The following TMEM220 variants were observed in gnomAD, a reference collection of about 807,000 sequenced individuals.
TMEM220 encodes transmembrane protein 220.
A neutral mutation model predicts 21.7 loss-of-function variants in TMEM220; 21 were observed. That is an observed-to-expected ratio of 0.97 (90% CI 0.69 to 1.39). TMEM220 has a LOEUF of 1.39. Ranked by LOEUF, TMEM220 falls within the 40% of genes most tolerant of loss-of-function variation. TMEM220 has a pLI of 0.00. For missense variants in TMEM220, 191 were observed against 201.9 expected (o/e 0.95, Z 0.33); for synonymous variants, 80 against 73.6 (o/e 1.09, Z -0.45).
rs1243653821 is a variant in TMEM220, at chr17:10,719,047, A to G, written c.348-3459T>C. 3.3e-5 allele frequency among the ~76,000 whole-genome samples: 5 copies of G among 152,060 alleles called. 1 individual carries two copies. Among genetic ancestry groups the G allele is most frequent in the African/African-American group, 1.2e-4 (5 of 41,394 alleles). On this transcript the variant is annotated intron_variant, in intron 5 of 5. Coordinates refer to ENST00000341871, the MANE Select transcript of TMEM220 (RefSeq NM_001004313.3). The stretch of plus-strand genomic sequence containing the variant: ...TCCATTTTTCTTCTTAGCTCTGTCA[A>G]TTTTTGTTCTATTTGGAAGCTATGT...
rs1205226228 is a variant in TMEM220, at chr17:10,725,061, G to T, written c.237C>A (p.Ser79=). The T allele has an allele frequency of 6.2e-7, 1 of 1,614,004 alleles. No homozygotes were observed. The highest frequency in any genetic ancestry group is 8.5e-7 in the Non-Finnish European group (1 of 1,180,044). ...TCTGTTGTGTACGATGCAAGAGGTA[G>T]GACGCCAAGCCAACAGCCCACACCG... ...FCTVWAVGLA[S]YLLHRTQQNI... The change falls in exon 4 of 6, where the codon TCC becomes TCA. Residue 79 remains serine, a synonymous_variant. Coordinates refer to ENST00000341871, the MANE Select transcript of TMEM220 (RefSeq NM_001004313.3).
At chr17:10,715,928 T>A in intron 5 of TMEM220, 1 of 355,646 alleles carries the variant, frequency 2.8e-6, no homozygotes, top group Non-Finnish European at 5.2e-6. Context: ...AGAAGTTTTG[T>A]TTTGCTTTTT....
At chr17:10,719,118 G>A (rs867034913) in intron 5 of TMEM220, among the ~76,000 whole-genome samples, 1 of 151,828 alleles carries the variant, frequency 6.6e-6, no homozygotes, top group African/African-American at 2.4e-5. Context: ...TTGATGAATT[G>A]AATCTTTTGT....
intron 2 of TMEM220, among the ~76,000 whole-genome samples, chr17:10,728,086 G>T (rs2075068605): frequency 6.6e-6 from 1 of 151,864 alleles, no homozygotes; most frequent in African/African-American, 2.4e-5. Flanking sequence ...CTCAAACCTG[G>T]GAGGTAGAGG....
chr17:10,724,861 C>T (rs1190233840), intron 4 of TMEM220, 150 bp downstream of exon 4: 5 of 1,066,322 alleles, frequency 4.7e-6, no homozygotes, highest in Non-Finnish European at 6.7e-6. Flanking sequence ...TCAGTTTCAT[C>T]AGGTTATAAA....
At chr17:10,726,156 G>A (rs764031558) in intron 3 of TMEM220, 48 bp downstream of exon 3, 1 of 1,510,506 alleles carries the variant, frequency 6.6e-7, no homozygotes, top group Admixed American at 1.7e-5. Context: ...TCATTATTAT[G>A]AGGAAATCTG....
At chr17:10,712,104 T>A (rs1447859095), downstream of TMEM220, among the ~76,000 whole-genome samples, 1 of 152,218 alleles carries the variant, frequency 6.6e-6, no homozygotes, top group Non-Finnish European at 1.5e-5. Flanking sequence ...TCCACTTGGC[T>A]GAAACCAAGG....
intron 3 of TMEM220, 23 bp from the exon 4 acceptor site, chr17:10,725,157 T>G: frequency 6.2e-7 from 1 of 1,612,420 alleles, no homozygotes; most frequent in Non-Finnish European, 8.5e-7. Context: ...GTTCTGATGT[T>G]GTTAACCACG....
intron 5 of TMEM220, among the ~76,000 whole-genome samples, chr17:10,719,642 G>A (rs1481116644): frequency 6.6e-6 from 1 of 152,022 alleles, no homozygotes; most frequent in Non-Finnish European, 1.5e-5. Context: ...AGAAAACTTG[G>A]GTAAGTTACA....
intron 5 of TMEM220, among the ~76,000 whole-genome samples, chr17:10,717,582 T>G (rs1405101505): frequency 1.3e-5 from 2 of 152,218 alleles, no homozygotes; most frequent in Non-Finnish European, 2.9e-5. Flanking sequence ...TTTAGGAGTT[T>G]TCCATCTGTG....
chr17:10,725,031 G>A lies in TMEM220; in HGVS notation c.267C>T (p.Ile89=). 2 of 1,614,134 alleles carry A rather than the reference G, an allele frequency of 1.2e-6. No homozygotes were observed. The highest frequency in any genetic ancestry group is 1.1e-5 in the South Asian group (1 of 91,076). Residue 89 remains isoleucine (I), a synonymous_variant, in exon 4 of 6, where the codon ATC becomes ATT. Coordinates refer to ENST00000341871, the MANE Select transcript of TMEM220 (RefSeq NM_001004313.3). The part of the protein sequence containing the change: ...SYLLHRTQQN[I]LHEEEGRELS... ...CTCACCTGCCTTCTTCCTCATGTAA[G>A]ATGTTCTGTTGTGTACGATGCAAGA...
At chr17:10,729,656 G>A in intron 1 of TMEM220, 124 bp downstream of exon 1, 1 of 820,372 alleles carries the variant, frequency 1.2e-6, no homozygotes, top group Non-Finnish European at 1.7e-6. Flanking sequence ...GAAAGCCCAA[G>A]TCCCGTCCTC....
chr17:10,712,413 T>C (rs772818446), downstream of TMEM220, among the ~76,000 whole-genome samples: 15 of 152,194 alleles, frequency 9.9e-5, no homozygotes, highest in East Asian at 3.8e-4. Flanking sequence ...TTTTGTGATA[T>C]AAGGTAACAT....
chr17:10,717,424 A>G (rs1233969593), intron 5 of TMEM220, among the ~76,000 whole-genome samples: 1 of 152,234 alleles, frequency 6.6e-6, no homozygotes, highest in Non-Finnish European at 1.5e-5. Flanking sequence ...ATGGCTCTAG[A>G]AGATAGTTTA....
rs1341822911 is a variant in TMEM220, at chr17:10,723,256, A to T, written c.347+14T>A. ...GGCCTCCCAAAGTGAAGATGTGATG[A>T]GTTGAATACTTACTTTGAGGAACTG... On this transcript the variant is annotated intron_variant, in intron 5 of 5. Transcript: ENST00000341871. 6.2e-7 allele frequency: 1 copy of T among 1,612,322 alleles called. No homozygotes were observed. The highest frequency in any genetic ancestry group is 1.3e-5 in the African/African-American group (1 of 74,856).
At chr17:10,726,007 C>T (rs546828988) in intron 3 of TMEM220, among the ~76,000 whole-genome samples, 197 bp downstream of exon 3, 9 of 152,290 alleles carry the variant, frequency 5.9e-5, no homozygotes, top group African/African-American at 2.2e-4. Context: ...AAACAGAAGA[C>T]GCTGTTTTAT....
Position 10,715,423 on chromosome 17 carries a change from T to C in TMEM220, c.*30A>G. 1.3e-6 allele frequency: 2 copies of C among 1,569,656 alleles called. No homozygotes were observed. Among genetic ancestry groups the C allele is most frequent in the South Asian group, 2.4e-5 (2 of 82,230 alleles). On this transcript the variant is annotated 3_prime_UTR_variant, in exon 6 of 6. Coordinates refer to ENST00000341871, the MANE Select transcript of TMEM220 (RefSeq NM_001004313.3). ...TTTATAAAAAATTGATTGAAAATATTCATTTTAAAAACGAAGTTCTTGAAT... is the reference window on the plus strand; with the variant it reads ...TTTATAAAAAATTGATTGAAAATATCCATTTTAAAAACGAAGTTCTTGAAT...
In TMEM220 at chr17:10,713,600, G is replaced by A. The variant is rs893585167; in HGVS notation, c.*1853C>T. ...TCAGTAGTTTATTAATACTAAAGGAGTTATAAAAGCCACAAATATGTAAGC... is the reference window on the plus strand; with the variant it reads ...TCAGTAGTTTATTAATACTAAAGGAATTATAAAAGCCACAAATATGTAAGC... On this transcript the variant is annotated 3_prime_UTR_variant, in exon 6 of 6. Coordinates refer to ENST00000341871, the MANE Select transcript of TMEM220 (RefSeq NM_001004313.3). The A allele has an allele frequency of 6.6e-6, 1 of 151,978 alleles. No individual in the cohort carries two copies. Among genetic ancestry groups the A allele is most frequent in the Non-Finnish European group, 1.5e-5 (1 of 68,004 alleles). The allele number at this position is 151,978 out of a possible 1,614,324, so 9.4% of individuals were successfully genotyped here. A position where few individuals can be genotyped will look rare whatever the true frequency, so the allele number is the denominator to read the frequency against.
At chr17:10,716,491 G>A (rs140520651) in intron 5 of TMEM220, 22 of 662,264 alleles carry the variant, frequency 3.3e-5, no homozygotes, top group South Asian at 1.6e-4. Flanking sequence ...ACGTAGTAGC[G>A]CAGATAAAAG....
Sources: gnomAD v4.1 joint callset for allele counts (sites outside exome capture counted in the v4.1 genomes callset) on GRCh38, gnomAD v4.1.1 for gene constraint, MANE v1.5 for transcripts, NCBI Gene and HGNC (gene_info 2026-07-23, HGNC 2026-07-21) for gene names.